The following TNFAIP3 variants were observed in gnomAD, a reference collection of about 807,000 sequenced individuals.
TNFAIP3 encodes tumor necrosis factor alpha-induced protein 3.
TNFAIP3 carries 9 observed loss-of-function variants against 72.4 expected under a neutral mutation model. The observed-to-expected ratio is 0.12, with a 90% confidence interval of 0.07 to 0.22. TNFAIP3 has a LOEUF of 0.22. Among genes scored for constraint, TNFAIP3 ranks in the 10% least tolerant of loss-of-function variants. The probability of loss-of-function intolerance (pLI) is 1.00; values close to 1 mark genes in which losing one functional copy is unlikely to be tolerated. For missense variants in TNFAIP3, 833 were observed against 1,018.7 expected, an observed-to-expected ratio of 0.82 and a Z score of 2.48; for synonymous variants, 339 against 372.6, an observed-to-expected ratio of 0.91 and a Z score of 1.04.
Position 137,878,453 on chromosome 6 carries a change from A to G in TNFAIP3, c.1008A>G (p.Pro336=). 6.2e-7 allele frequency: 1 copy of G among 1,608,302 alleles called. No individual in the cohort carries two copies. The highest frequency in any genetic ancestry group is 8.5e-7 in the Non-Finnish European group (1 of 1,175,212). The change falls in exon 7 of 9, where the codon CCA becomes CCG. Residue 336 remains proline, a synonymous_variant. Transcript: ENST00000612899. Reference sequence around the variant, plus strand: ...TCAGGTTGGATGAAGCTAACTTACCAAAAGAAATCAATCTGGTAGATGATT... The same window carrying G: ...TCAGGTTGGATGAAGCTAACTTACCGAAAGAAATCAATCTGGTAGATGATT... The part of the protein sequence containing the change: ...NAAKLDEANL[P]KEINLVDDYF...
At chr6:137,866,600 G>A (rs1477247989), upstream of TNFAIP3, 1 of 152,468 alleles carries the variant, frequency 6.6e-6, no homozygotes, top group Non-Finnish European at 1.5e-5. Context: ...TGGGGCCACG[G>A]GGTCGGGTGT....
At position 137,879,028 on chromosome 6, in the gene TNFAIP3, T is replaced by C. The variant is rs1305036781; in HGVS notation, c.1583T>C (p.Val528Ala). 5 of 1,614,038 alleles carry C rather than the reference T, an allele frequency of 3.1e-6. No individual in the cohort carries two copies. The highest frequency in any genetic ancestry group is 4.2e-6 in the Non-Finnish European group (5 of 1,180,026). The change falls in exon 7 of 9, where the codon GTT becomes GCT. Residue 528 changes from valine (V) to alanine (A), a missense_variant. Around this residue, in one of 2 missense-constraint regions of TNFAIP3, gnomAD observed 587 missense variants for 657.8 expected, o/e 0.89. Coordinates refer to ENST00000612899, the MANE Select transcript of TNFAIP3 (RefSeq NM_001270508.2). ...AAGTGCCAAGCCTGCCTCCAGGATG[T>C]TACCAGGACATTTAATGGGATCTGC... ...PGKCQACLQDVTRTFNGICST... is the reference protein window; with the variant it reads ...PGKCQACLQDATRTFNGICST...
At chr6:137,876,244 C>A in intron 5 of TNFAIP3, 78 bp downstream of exon 5, 1 of 1,220,796 alleles carries the variant, frequency 8.2e-7, no homozygotes, top group South Asian at 1.4e-5. Context: ...CTTATTAAAA[C>A]AGTCTTATTT....
intron 2 of TNFAIP3, among the ~76,000 whole-genome samples, chr6:137,873,144 C>T (rs1052870006): frequency 2.0e-5 from 3 of 152,014 alleles, no homozygotes; most frequent in Non-Finnish European, 2.9e-5. Context: ...AAGAAAACTC[C>T]TTAAGATTCT....
At position 137,870,265 on chromosome 6, in the gene TNFAIP3, T is replaced by C. The variant is rs9494887; in HGVS notation, c.-15-948T>C. Reference sequence around the variant, plus strand: ...GTTCTTAGAAGTATAGAATTTATTGTTCTATTATTATTTTGCGGTTTTTCA... The same window carrying C: ...GTTCTTAGAAGTATAGAATTTATTGCTCTATTATTATTTTGCGGTTTTTCA... On this transcript the variant is annotated intron_variant, in intron 1 of 8. Coordinates refer to ENST00000612899, the MANE Select transcript of TNFAIP3 (RefSeq NM_001270508.2). 4.1e-3 allele frequency among the ~76,000 whole-genome samples: 617 copies of C among 152,272 alleles called. 3 individuals carry two copies. The highest frequency in any genetic ancestry group is 0.014 in the African/African-American group (578 of 41,538).
chr6:137,870,875 T>C (rs965549403), intron 1 of TNFAIP3, among the ~76,000 whole-genome samples: 6 of 152,190 alleles, frequency 3.9e-5, no homozygotes, highest in Non-Finnish European at 5.9e-5. Context: ...GGAGCTTAAG[T>C]TGGTTTTGAG....
Position 137,881,037 on chromosome 6 carries a change from A to G in TNFAIP3, c.2091A>G (p.Arg697=). Reference sequence around the variant, plus strand: ...ATCTGCCTGTTCTTTCCACTCAGAGATCGAGCCAGCGCAGAGATGTGCCTC... The same window carrying G: ...ATCTGCCTGTTCTTTCCACTCAGAGGTCGAGCCAGCGCAGAGATGTGCCTC... ...HEAKRTEEQL[R]SSQRRDVPRT... Residue 697 remains arginine, a splice_region_variant and synonymous_variant, in exon 9 of 9, where the codon AGA becomes AGG. Coordinates refer to ENST00000612899, the MANE Select transcript of TNFAIP3 (RefSeq NM_001270508.2). The surrounding 1 kb of genome is among the most constrained non-coding windows in gnomAD (Gnocchi z 5.0). 1 of 1,590,462 alleles carries G rather than the reference A, an allele frequency of 6.3e-7. No individual in the cohort carries two copies.
intron 8 of TNFAIP3, 41 bp downstream of exon 8, chr6:137,880,293 C>A (rs376764527): frequency 4.4e-6 from 7 of 1,608,114 alleles, no homozygotes; most frequent in South Asian, 1.1e-5. Flanking sequence ...CCCGTGTGTT[C>A]GATGCTTTTT....
rs1424449203 is a variant in TNFAIP3 at position 137,867,775 on chromosome 6, C to A, written c.-16+233C>A. 1 of 152,458 alleles carries A rather than the reference C, an allele frequency of 6.6e-6. No homozygotes were observed. The highest frequency in any genetic ancestry group is 2.4e-5 in the African/African-American group (1 of 41,474). The allele number at this position is 152,458 out of a possible 1,614,324, so 9.4% of individuals were successfully genotyped here. The stretch of plus-strand genomic sequence containing the variant: ...CCCTGGATACCTCCAGCCAGCTGTT[C>A]CTTTCAGATAATGCACGGAACTTAA... On this transcript the variant is annotated intron_variant, in intron 1 of 8. Transcript: ENST00000612899. The surrounding 1 kb of genome is among the most constrained non-coding windows in gnomAD (Gnocchi z 6.0).
Position 137,882,741 on chromosome 6 carries a change from A to T in TNFAIP3, c.*1422A>T, listed in dbSNP as rs2114524395. The T allele has an allele frequency of 4.3e-6, 1 of 232,414 alleles. No homozygotes were observed. The highest frequency in any genetic ancestry group is 5.6e-5 in the Admixed American group (1 of 17,754). 14.4% of individuals were successfully genotyped at this position (232,414 alleles called of 1,614,324 possible). On this transcript the variant is annotated 3_prime_UTR_variant, in exon 9 of 9. Transcript: ENST00000612899. ...CTGGGGGGGCTGGGAAGTCCCCTGC[A>T]TCCCATGGTACCCTGGTATTGGGAC... is the stretch of plus-strand genomic sequence containing the variant.
Position 137,875,982 on chromosome 6 carries a change from C to G in TNFAIP3, c.635-14C>G, listed in dbSNP as rs1279147893. The G allele has an allele frequency of 1.2e-6, 2 of 1,608,712 alleles. No individual in the cohort carries two copies. Among genetic ancestry groups the G allele is most frequent in the Non-Finnish European group, 1.7e-6 (2 of 1,177,422 alleles). On this transcript the variant is annotated splice_polypyrimidine_tract_variant and intron_variant, in intron 4 of 8. Transcript: ENST00000612899. ...ACCTAAGGGCCTCATTTTCCTTTCT[C>G]TTTCTTTGAACAGACAAAATGCTAA...
Position 137,875,045 on chromosome 6 carries a change from TC to T in TNFAIP3, c.486+15del, listed in dbSNP as rs1776196294. On this transcript the variant is annotated intron_variant, in intron 3 of 8. Coordinates refer to ENST00000612899, the MANE Select transcript of TNFAIP3 (RefSeq NM_001270508.2). ...TTGCTATGATACTCGGGTAGGTTTT[TC>T]CCCCTAATTATCTACTAACAGAGCT... 6.2e-7 allele frequency: 1 copy of T among 1,613,704 alleles called. No individual in the cohort carries two copies. The highest frequency in any genetic ancestry group is 1.3e-5 in the African/African-American group (1 of 74,924).
chr6:137,879,242 G>A lies in TNFAIP3; in HGVS notation c.1797G>A (p.Gly599=), dbSNP rs2114505424. ...GCLSQAARTP[G]DRTGTSKCRK... ...TGTCTCAAGCTGCACGGACTCCTGG[G>A]GACAGGACGGGGACGAGCAAGTGCA... is the stretch of plus-strand genomic sequence containing the variant. Residue 599 remains glycine (G), a synonymous_variant, in exon 7 of 9, where the codon GGG becomes GGA. Coordinates refer to ENST00000612899, the MANE Select transcript of TNFAIP3 (RefSeq NM_001270508.2). The A allele has an allele frequency of 6.2e-7, 1 of 1,614,202 alleles. No homozygotes were observed. The highest frequency in any genetic ancestry group is 8.5e-7 in the Non-Finnish European group (1 of 1,180,040).
At position 137,871,198 on chromosome 6, in the gene TNFAIP3, T is replaced by C; in HGVS notation, c.-15-15T>C. 6 of 1,569,608 alleles carry C rather than the reference T, an allele frequency of 3.8e-6. No homozygotes were observed. Among genetic ancestry groups the C allele is most frequent in the East Asian group, 4.5e-5 (2 of 44,570 alleles). On this transcript the variant is annotated splice_polypyrimidine_tract_variant and intron_variant, in intron 1 of 8. Transcript: ENST00000612899. The surrounding 1 kb of genome is among the most constrained non-coding windows in gnomAD (Gnocchi z 4.2). The stretch of plus-strand genomic sequence containing the variant: ...GGCTAATAGAATGGCTTTTTTTTTT[T>C]CCTTTCCTTTTCAGGTGTTGGAGAG...
rs1239202557 is a variant in TNFAIP3, at chr6:137,881,050, A to G, written c.2104A>G (p.Arg702Gly). The change falls in exon 9 of 9, where the codon AGA becomes GGA. Residue 702 changes from arginine (R) to glycine (G), a missense_variant. Transcript: ENST00000612899. The surrounding 1 kb of genome is among the most constrained non-coding windows in gnomAD (Gnocchi z 5.0). ...TEEQLRSSQR[R>G]DVPRTTQSTS... Reference sequence around the variant, plus strand: ...TTCCACTCAGAGATCGAGCCAGCGCAGAGATGTGCCTCGAACCACACAAAG... The same window carrying G: ...TTCCACTCAGAGATCGAGCCAGCGCGGAGATGTGCCTCGAACCACACAAAG... The G allele has an allele frequency of 1.9e-6, 3 of 1,608,440 alleles. No homozygotes were observed. In the Admixed American group the frequency reaches 5.1e-5, roughly 27 times the overall value.
At position 137,880,237 on chromosome 6, in the gene TNFAIP3, G is replaced by C; in HGVS notation, c.2073G>C (p.Arg691Ser). The C allele has an allele frequency of 6.2e-7, 1 of 1,614,156 alleles. No homozygotes were observed. The highest frequency in any genetic ancestry group is 8.5e-7 in the Non-Finnish European group (1 of 1,180,034). ...AQNQRFHEAK[R>S]TEEQLRSSQR... ...ATCAGAGATTTCATGAGGCCAAAAG[G>C]ACAGAAGAGCAACTGGTGAGACACT... The change falls in exon 8 of 9, where the codon AGG becomes AGC. Residue 691 changes from arginine to serine, a missense_variant. Physicochemically the swap from Arg to Ser is moderately radical, Grantham distance 110. Around this residue, in one of 2 missense-constraint regions of TNFAIP3, gnomAD observed 587 missense variants for 657.8 expected, o/e 0.89. Coordinates refer to ENST00000612899, the MANE Select transcript of TNFAIP3 (RefSeq NM_001270508.2).
At position 137,878,525 on chromosome 6, in the gene TNFAIP3, C is replaced by G. The variant is rs765957007; in HGVS notation, c.1080C>G (p.Ser360Arg). Reference sequence around the variant, plus strand: ...AGTACAAGAAATGGCAGGAAAACAGCGAGCAGGGGAGGAGAGAGGGGCACG... The same window carrying G: ...AGTACAAGAAATGGCAGGAAAACAGGGAGCAGGGGAGGAGAGAGGGGCACG... The part of the protein sequence containing the change: ...QHEYKKWQEN[S>R]EQGRREGHAQ... The change falls in exon 7 of 9, where the codon AGC becomes AGG. Residue 360 changes from serine (S) to arginine (R), a missense_variant. This residue lies in a region of TNFAIP3 where 587 missense variants were observed against 657.8 expected (regional missense o/e 0.89). Transcript: ENST00000612899. 6.2e-7 allele frequency: 1 copy of G among 1,614,220 alleles called. No individual in the cohort carries two copies. The highest frequency in any genetic ancestry group is 1.1e-5 in the South Asian group (1 of 91,082).
rs886163382 is a variant in TNFAIP3, at chr6:137,883,259, A to C, written c.*1940A>C. 1.0e-5 allele frequency: 2 copies of C among 191,230 alleles called. No individual in the cohort carries two copies. Among genetic ancestry groups the C allele is most frequent in the African/African-American group, 4.6e-5 (2 of 43,012 alleles). 11.8% of individuals were successfully genotyped at this position (191,230 alleles called of 1,614,324 possible). ...GTTGGATTTCTTCAAGTTTTTCTAAATAAATGTAACTTTTCACAAGAGTCA... is the reference window on the plus strand; with the variant it reads ...GTTGGATTTCTTCAAGTTTTTCTAACTAAATGTAACTTTTCACAAGAGTCA... On this transcript the variant is annotated 3_prime_UTR_variant, in exon 9 of 9. Coordinates refer to ENST00000612899, the MANE Select transcript of TNFAIP3 (RefSeq NM_001270508.2).
In TNFAIP3 at chr6:137,880,226, G is replaced by A; in HGVS notation, c.2062G>A (p.Glu688Lys). 1.2e-6 allele frequency: 2 copies of A among 1,614,180 alleles called. No individual in the cohort carries two copies. The highest frequency in any genetic ancestry group is 1.7e-6 in the Non-Finnish European group (2 of 1,180,036). Residue 688 changes from glutamate to lysine, a missense_variant, in exon 8 of 9, where the codon GAG (glutamate) becomes AAG (lysine). By Grantham distance (56) the Glu-to-Lys change is moderately conservative. This residue lies in a region of TNFAIP3 where 587 missense variants were observed against 657.8 expected (regional missense o/e 0.89). Coordinates refer to ENST00000612899, the MANE Select transcript of TNFAIP3 (RefSeq NM_001270508.2). ...FIEAQNQRFH[E>K]AKRTEEQLRS... ...TGAAGCTCAGAATCAGAGATTTCAT[G>A]AGGCCAAAAGGACAGAAGAGCAACT...
Sources: allele counts gnomAD v4.1 joint callset (sites outside exome capture counted in the v4.1 genomes callset), GRCh38; gene constraint gnomAD v4.1.1; regional missense constraint gnomAD v4.1.1; non-coding constraint Gnocchi (gnomAD v3.1); transcripts MANE v1.5; gene names NCBI Gene and HGNC (gene_info 2026-07-23, HGNC 2026-07-21).